EP300: variants seen among roughly 807,000 people sequenced by gnomAD.
The protein encoded by EP300 is histone acetyltransferase p300.
EP300 carries 31 observed loss-of-function variants against 264.0 expected under a neutral mutation model. That is an observed-to-expected ratio of 0.12 (90% confidence interval 0.09 to 0.16). EP300 has a LOEUF of 0.16. Among genes scored for constraint, EP300 ranks in the 10% least tolerant of loss-of-function variants. The probability of loss-of-function intolerance (pLI) is 1.00; values close to 1 mark genes in which losing one functional copy is unlikely to be tolerated. For missense variants in EP300, 2,766 were observed against 3,052.9 expected (o/e 0.91, Z 2.21); for synonymous variants, 1,340 against 1,045.4 (o/e 1.28, Z -5.44).
chr22:41,119,187 T>TA (rs1263821115), intron 2 of EP300, among the ~76,000 whole-genome samples: 2 of 87,454 alleles, frequency 2.3e-5, no homozygotes, highest in Non-Finnish European at 4.8e-5. Flanking sequence ...TTTTTTTTTT[T>TA]TTTTTTTTTT....
rs780182045 is a variant in EP300, at chr22:41,152,290, G to A, written c.3082G>A (p.Asp1028Asn). Residue 1028 changes from aspartate to asparagine, a missense_variant, in exon 16 of 31, where the codon GAC becomes AAC. Physicochemically the swap from Asp to Asn is conservative, Grantham distance 23. Transcript: ENST00000263253. ...ELKTEIKEEE[D>N]QPSTSATQSS... ...AAAAACTGAAATAAAAGAGGAGGAAGACCAGCCAAGTACTTCAGCTACCCA... is the reference window on the plus strand; with the variant it reads ...AAAAACTGAAATAAAAGAGGAGGAAAACCAGCCAAGTACTTCAGCTACCCA... 1 of 1,614,050 alleles carries A rather than the reference G, an allele frequency of 6.2e-7. No individual in the cohort carries two copies. The highest frequency in any genetic ancestry group is 8.5e-7 in the Non-Finnish European group (1 of 1,180,018).
chr22:41,135,072 G>A (rs2058942890), intron 6 of EP300, among the ~76,000 whole-genome samples: 1 of 151,672 alleles, frequency 6.6e-6, no homozygotes, highest in Non-Finnish European at 1.5e-5. Context: ...ACCTTTTTGT[G>A]TTTTCTTTTA....
At chr22:41,128,460 C>CA (rs200596527) in intron 4 of EP300, among the ~76,000 whole-genome samples, 3,099 of 144,152 alleles carry the variant, frequency 0.021, 90 homozygotes, top group African/African-American at 0.07. Flanking sequence ...AACCCTGTTT[C>CA]AAAAAAAAAA....
In EP300 at chr22:41,092,980, G is replaced by C. The variant is rs1467627177; in HGVS notation, c.-25G>C. On this transcript the variant is annotated 5_prime_UTR_variant, in exon 1 of 31. Transcript: ENST00000263253. ...TTTCCTGAGGATTCTGGTTTTCCTC[G>C]CTTGTATCTCCGAAAGAATTAAAAA... 6.2e-7 allele frequency: 1 copy of C among 1,613,426 alleles called. No homozygotes were observed. The highest frequency in any genetic ancestry group is 1.3e-5 in the African/African-American group (1 of 75,038).
intron 19 of EP300, chr22:41,159,141 T>G (rs2059094303): frequency 6.5e-6 from 1 of 153,296 alleles, no homozygotes; most frequent in Non-Finnish European, 1.5e-5. Context: ...TAATCTATCT[T>G]AACCACAATT....
chr22:41,157,516 T>C, intron 18 of EP300, 108 bp downstream of exon 18: 1 of 1,152,476 alleles, frequency 8.7e-7, no homozygotes, highest in Non-Finnish European at 1.2e-6. Context: ...ACATGGCTTT[T>C]TTTTTTTTTT....
chr22:41,157,604 A>G (rs548530688), intron 18 of EP300, among the ~76,000 whole-genome samples, 196 bp downstream of exon 18: 6 of 148,510 alleles, frequency 4.0e-5, no homozygotes, highest in East Asian at 2.0e-4. Flanking sequence ...TGCAGCTTCA[A>G]CCTCCTGGGC....
At chr22:41,103,967 T>G (rs1359867937) in intron 1 of EP300, among the ~76,000 whole-genome samples, 1 of 152,004 alleles carries the variant, frequency 6.6e-6, no homozygotes, top group African/African-American at 2.4e-5. Context: ...TTGTTCAAGA[T>G]CCATGCTTGG....
Position 41,168,503 on chromosome 22 carries a change from T to G in EP300, c.3929T>G (p.Leu1310Arg), listed in dbSNP as rs756292109. 6.2e-7 allele frequency: 1 copy of G among 1,614,232 alleles called. No individual in the cohort carries two copies. The highest frequency in any genetic ancestry group is 1.7e-5 in the Admixed American group (1 of 60,026). Residue 1310 changes from leucine (L) to arginine (R), a missense_variant, in exon 24 of 31, where the codon CTG becomes CGG. Leu to Arg is a moderately radical substitution (Grantham distance 102). Coordinates refer to ENST00000263253, the MANE Select transcript of EP300 (RefSeq NM_001429.4). Reference sequence around the variant, plus strand: ...CTAGAGAATCGTGTGAATGACTTTCTGAGGCGACAGAATCACCCTGAGTCA... The same window carrying G: ...CTAGAGAATCGTGTGAATGACTTTCGGAGGCGACAGAATCACCCTGAGTCA... Reference protein sequence around the residue: ...TFLENRVNDFLRRQNHPESGE... With the variant: ...TFLENRVNDFRRRQNHPESGE...
rs953108559 is a variant in EP300 at position 41,150,041 on chromosome 22, C to T, written c.2660C>T (p.Thr887Ile). 6.2e-7 allele frequency: 1 copy of T among 1,614,006 alleles called. No homozygotes were observed. The highest frequency in any genetic ancestry group is 8.5e-7 in the Non-Finnish European group (1 of 1,180,040). Residue 887 changes from threonine (T) to isoleucine (I), a missense_variant, in exon 14 of 31, where the codon ACA becomes ATA. Transcript: ENST00000263253. The part of the protein sequence containing the change: ...ALHPPPRQTP[T>I]PPTTQLPQQV... The stretch of plus-strand genomic sequence containing the variant: ...CATCCCCCTCCAAGGCAGACACCTA[C>T]ACCACCAACAACACAACTTCCCCAA...
intron 2 of EP300, among the ~76,000 whole-genome samples, chr22:41,122,101 C>CAATCTTT (rs1252141964): frequency 2.2e-4 from 34 of 151,236 alleles, no homozygotes; most frequent in Non-Finnish European, 1.9e-4. Context: ...ATTGCCCCTG[C>CAATCTTT]AATCTTTTGG....
intron 1 of EP300, among the ~76,000 whole-genome samples, chr22:41,095,198 T>C (rs2058695398): frequency 6.6e-6 from 1 of 151,240 alleles, no homozygotes; most frequent in Non-Finnish European, 1.5e-5. Context: ...ATACTGTCCC[T>C]CTGTTAACTT....
At position 41,147,839 on chromosome 22, in the gene EP300, T is replaced by C. The variant is rs890496486; in HGVS notation, c.2134T>C (p.Leu712=). ...MMPRITPQSG[L]NQFGQMSMAQ... The stretch of plus-strand genomic sequence containing the variant: ...TAACATTTTGCTCATATTCACAGGT[T>C]TGAATCAATTTGGCCAGATGAGCAT... Residue 712 remains leucine, a splice_region_variant and synonymous_variant, in exon 12 of 31, where the codon TTG becomes CTG. Transcript: ENST00000263253. 11 of 1,612,066 alleles carry C rather than the reference T, an allele frequency of 6.8e-6. No homozygotes were observed. Among genetic ancestry groups the C allele is most frequent in the Non-Finnish European group, 7.6e-6 (9 of 1,178,226 alleles).
chr22:41,111,212 G>A (rs1045618561), intron 1 of EP300, among the ~76,000 whole-genome samples: 2 of 151,696 alleles, frequency 1.3e-5, no homozygotes, highest in Admixed American at 6.6e-5. Flanking sequence ...CTGACCTCCA[G>A]CAGTCCACCT....
chr22:41,142,061 C>T (rs1287557367), intron 10 of EP300, among the ~76,000 whole-genome samples: 1 of 152,116 alleles, frequency 6.6e-6, no homozygotes, highest in Non-Finnish European at 1.5e-5. Flanking sequence ...AACCAGATAG[C>T]CAAGACTATG....
intron 6 of EP300, among the ~76,000 whole-genome samples, chr22:41,133,251 G>T (rs1764725910): frequency 6.8e-6 from 1 of 146,754 alleles, no homozygotes; most frequent in South Asian, 2.1e-4. Flanking sequence ...CCGCCTCCTG[G>T]GTTCAAGCAG....
intron 14 of EP300, among the ~76,000 whole-genome samples, chr22:41,150,485 A>G (rs1203943278): frequency 2.0e-5 from 3 of 152,126 alleles, no homozygotes; most frequent in South Asian, 2.1e-4. Flanking sequence ...AGGGGACACA[A>G]TCCTTCTCCT....
At chr22:41,121,159 C>CT (rs996804787) in intron 2 of EP300, among the ~76,000 whole-genome samples, 10 of 151,554 alleles carry the variant, frequency 6.6e-5, no homozygotes, top group East Asian at 1.9e-4. Context: ...TTTCTTTTTT[C>CT]TTTTTTTTCA....
intron 27 of EP300, among the ~76,000 whole-genome samples, chr22:41,171,432 G>GCTCAAGCCATCCTCCCAT (rs1402156091): frequency 6.6e-6 from 1 of 152,036 alleles, no homozygotes; most frequent in Non-Finnish European, 1.5e-5. Context: ...TGCCTCCCAG[G>GCTCAAGCCATCCTCCCAT]CTCAAGCCAT....
Sources: gnomAD v4.1 joint callset for allele counts (sites outside exome capture counted in the v4.1 genomes callset) on GRCh38, gnomAD v4.1.1 for gene constraint, MANE v1.5 for transcripts, NCBI Gene and HGNC (gene_info 2026-07-23, HGNC 2026-07-21) for gene names.